Variants in PTPRH observed in about 807,000 individuals in gnomAD.
PTPRH encodes protein tyrosine phosphatase receptor type H.
In PTPRH, 113 loss-of-function variants were observed where a neutral mutation model predicts 130.2. The observed-to-expected ratio is 0.87, with a 90% CI of 0.75 to 1.01. The LOEUF is 1.01. Ranked by LOEUF, PTPRH falls within the 50% of genes least tolerant of loss-of-function variation. The pLI, the probability that PTPRH is intolerant of heterozygous loss-of-function variation, is 0.00. For missense variants in PTPRH, 1,430 were observed against 1,425.0 expected (o/e 1.00, Z -0.06); for synonymous variants, 556 against 577.9 (o/e 0.96, Z 0.54).
chr19:55,203,074 AT>A (rs1322456472), intron 5 of PTPRH, among the ~76,000 whole-genome samples: 1 of 151,646 alleles, frequency 6.6e-6, no homozygotes, highest in Non-Finnish European at 1.5e-5. Context: ...CACGCCTGTA[AT>A]CCCAGCACTT....
At chr19:55,204,215 G>T (rs981835772) in intron 4 of PTPRH, among the ~76,000 whole-genome samples, 167 bp from the exon 5 acceptor site, 1 of 152,184 alleles carries the variant, frequency 6.6e-6, no homozygotes, top group Non-Finnish European at 1.5e-5. Context: ...CGCCGTCCGG[G>T]TTCAAGCGAT....
chr19:55,189,674 T>C (rs1362726226), intron 12 of PTPRH: 1 of 456,114 alleles, frequency 2.2e-6, no homozygotes, highest in Middle Eastern at 3.3e-4. Flanking sequence ...AAAGCTTTCC[T>C]TGAATATCCT....
intron 8 of PTPRH, 100 bp downstream of exon 8, chr19:55,198,543 C>T (rs2086756193): frequency 7.7e-7 from 1 of 1,302,352 alleles, no homozygotes; most frequent in Admixed American, 3.0e-5. Context: ...CTGGAGAGGC[C>T]CATGGGTACT....
intron 10 of PTPRH, 73 bp from the exon 11 acceptor site, chr19:55,191,814 C>G: frequency 7.6e-7 from 1 of 1,312,860 alleles, no homozygotes; most frequent in Non-Finnish European, 1.1e-6. Flanking sequence ...CCCTGCCCAG[C>G]CTTTCCTCTT....
intron 10 of PTPRH, among the ~76,000 whole-genome samples, chr19:55,194,810 C>G (rs1035078811): frequency 9.2e-5 from 14 of 152,178 alleles, no homozygotes; most frequent in Admixed American, 9.2e-4. Context: ...AACCTATCCA[C>G]AAACGTTCCT....
intron 6 of PTPRH, among the ~76,000 whole-genome samples, chr19:55,201,480 AGGG>A (rs1270714934): frequency 6.6e-6 from 1 of 152,226 alleles, no homozygotes; most frequent in Non-Finnish European, 1.5e-5. Context: ...TGGAGGATGA[AGGG>A]GGGACTGGGA....
At chr19:55,190,295 G>A (rs1446379773) in intron 12 of PTPRH, among the ~76,000 whole-genome samples, 3 of 149,560 alleles carry the variant, frequency 2.0e-5, no homozygotes. Context: ...GCTTGAACCC[G>A]GGAGGCGGAG....
chr19:55,200,167 G>A, intron 7 of PTPRH, 69 bp downstream of exon 7: 2 of 1,555,366 alleles, frequency 1.3e-6, no homozygotes, highest in South Asian at 1.2e-5. Context: ...GCCCAGAAGA[G>A]GTGCCACGCC....
In PTPRH at chr19:55,206,680, G is replaced by T; in HGVS notation, c.352+9C>A. 5.7e-6 allele frequency: 9 copies of T among 1,577,044 alleles called. No individual in the cohort carries two copies. Among genetic ancestry groups the T allele is most frequent in the Non-Finnish European group, 7.8e-6 (9 of 1,155,708 alleles). On this transcript the variant is annotated intron_variant, in intron 3 of 19. Coordinates refer to ENST00000376350, the MANE Select transcript of PTPRH (RefSeq NM_002842.5). ...AAGAAATAAAAATAAAGCAGTGGCT[G>T]CCTCTTACCTGTGGCAGTAGTGACA...
In PTPRH at chr19:55,188,127, A is replaced by G. The variant is rs1214781581; in HGVS notation, c.2426T>C (p.Val809Ala). The G allele has an allele frequency of 6.2e-7, 1 of 1,613,898 alleles. No individual in the cohort carries two copies. The highest frequency in any genetic ancestry group is 8.5e-7 in the Non-Finnish European group (1 of 1,179,992). Residue 809 changes from valine (V) to alanine (A), a missense_variant, in exon 13 of 20, where the codon GTC becomes GCC. Coordinates refer to ENST00000376350, the MANE Select transcript of PTPRH (RefSeq NM_002842.5). ...DIPAEDFADH[V>A]RKNERDSNCG... ...GTTGCTGTCCCTCTCATTCTTCCTGACGTGGTCAGCGAAGTCTTCAGCTGG... is the reference window on the plus strand; with the variant it reads ...GTTGCTGTCCCTCTCATTCTTCCTGGCGTGGTCAGCGAAGTCTTCAGCTGG...
intron 18 of PTPRH, 93 bp downstream of exon 18, chr19:55,185,409 C>T (rs556203984): frequency 5.0e-6 from 7 of 1,406,360 alleles, no homozygotes; most frequent in Admixed American, 2.0e-5. Context: ...CTCTTCACCT[C>T]CCCTGTACGT....
rs2086552234 is a variant in PTPRH at position 55,191,927 on chromosome 19, C to T, written c.2258-186G>A. 4.4e-6 allele frequency: 3 copies of T among 685,446 alleles called. No individual in the cohort carries two copies. In the South Asian group the frequency reaches 4.5e-5, roughly 10 times the overall value. 42.5% of individuals were successfully genotyped at this position (685,446 alleles called of 1,614,324 possible). A position where few individuals can be genotyped will look rare whatever the true frequency, so the allele number is the denominator to read the frequency against. On this transcript the variant is annotated intron_variant, in intron 10 of 19. Coordinates refer to ENST00000376350, the MANE Select transcript of PTPRH (RefSeq NM_002842.5). ...GCGCTTACCCATGGATTTTCCTCCA[C>T]CCCTGAGACAGCAAGACCAGCCCCT...
intron 5 of PTPRH, among the ~76,000 whole-genome samples, chr19:55,203,501 T>C (rs2086938693): frequency 6.6e-6 from 1 of 151,060 alleles, no homozygotes; most frequent in Non-Finnish European, 1.5e-5. Flanking sequence ...CTGCAACCTC[T>C]GCCTCCCGGG....
In PTPRH at chr19:55,181,499, A is replaced by T. The variant is rs930160936; in HGVS notation, c.*255T>A. On this transcript the variant is annotated 3_prime_UTR_variant, in exon 20 of 20. Coordinates refer to ENST00000376350, the MANE Select transcript of PTPRH (RefSeq NM_002842.5). Reference sequence around the variant, plus strand: ...CTGTTTCTTTCTGCATCCTGGAAAGACCTAGGGAATCCAAGCTATCATCCC... The same window carrying T: ...CTGTTTCTTTCTGCATCCTGGAAAGTCCTAGGGAATCCAAGCTATCATCCC... 5.0e-5 allele frequency: 25 copies of T among 501,822 alleles called. No homozygotes were observed. In the East Asian group the frequency reaches 8.4e-4, roughly 17 times the overall value. The allele number at this position is 501,822 out of a possible 1,614,324, so 31.1% of individuals were successfully genotyped here.
chr19:55,184,771 G>A (rs2086270034), intron 18 of PTPRH, among the ~76,000 whole-genome samples: 1 of 150,124 alleles, frequency 6.7e-6, no homozygotes, highest in South Asian at 2.1e-4. Flanking sequence ...TGGGCGACAG[G>A]GAGAGACTCC....
rs1002022556 is a variant in PTPRH at position 55,209,221 on chromosome 19, TA to T, written c.51+161del. 2.6e-5 allele frequency among the ~76,000 whole-genome samples: 4 copies of T among 152,040 alleles called. No individual in the cohort carries two copies. The highest frequency in any genetic ancestry group is 5.9e-5 in the Non-Finnish European group (4 of 67,970). The stretch of plus-strand genomic sequence containing the variant: ...ACGACAGTATCTAAGAGCCCAGGTG[TA>T]AGACTCTCCTACAGTCTCTGCCAAG... On this transcript the variant is annotated intron_variant, in intron 1 of 19. Coordinates refer to ENST00000376350, the MANE Select transcript of PTPRH (RefSeq NM_002842.5). This position sits in a 1 kb window ranked among gnomAD's most constrained non-coding sequence, Gnocchi z 4.1.
Position 55,200,332 on chromosome 19 carries a change from C to G in PTPRH, c.1324G>C (p.Ala442Pro). ...AAGGTTCCGGGCTCAAGTCTCTCAG[C>G]TGTCACACTGGTATTTGTTGTGTTT... The part of the protein sequence containing the change: ...TRNTTNTSVT[A>P]ERLEPGTLYT... The change falls in exon 7 of 20, where the codon GCT (alanine) becomes CCT (proline). Residue 442 changes from alanine (A) to proline (P), a missense_variant. Coordinates refer to ENST00000376350, the MANE Select transcript of PTPRH (RefSeq NM_002842.5). 6.2e-7 allele frequency: 1 copy of G among 1,614,210 alleles called. No individual in the cohort carries two copies. Among genetic ancestry groups the G allele is most frequent in the Non-Finnish European group, 8.5e-7 (1 of 1,180,046 alleles).
At position 55,191,562 on chromosome 19, in the gene PTPRH, G is replaced by A. The variant is rs775112393; in HGVS notation, c.2337-14C>T. On this transcript the variant is annotated splice_polypyrimidine_tract_variant and intron_variant, in intron 11 of 19. Transcript: ENST00000376350. ...TTCTTCTTATTCCTGGGAAAAGGAC[G>A]TTAGGATGAGAGGCTCAGGGGGTGA... 2.5e-5 allele frequency: 40 copies of A among 1,614,110 alleles called. No individual in the cohort carries two copies. The highest frequency in any genetic ancestry group is 3.3e-4 in the Middle Eastern group (2 of 6,062).
At chr19:55,190,264 G>C (rs1206414401) in intron 12 of PTPRH, among the ~76,000 whole-genome samples, 1 of 150,368 alleles carries the variant, frequency 6.7e-6, no homozygotes, top group African/African-American at 2.4e-5. Flanking sequence ...CAGCTACTCG[G>C]GAGGCTGAGG....
Sources: gnomAD v4.1 joint callset for allele counts (sites outside exome capture counted in the v4.1 genomes callset) on GRCh38, gnomAD v4.1.1 for gene constraint, Gnocchi (gnomAD v3.1) non-coding constraint, MANE v1.5 for transcripts, NCBI Gene and HGNC (gene_info 2026-07-23, HGNC 2026-07-21) for gene names.